Variants in PCDHA6 observed in about 807,000 individuals in gnomAD.
PCDHA6 encodes protocadherin alpha 6.
PCDHA6 carries 55 observed loss-of-function variants against 60.3 expected under a neutral mutation model. That is an observed-to-expected ratio of 0.91 (90% CI 0.73 to 1.14). PCDHA6 has a LOEUF of 1.14. Among genes scored for constraint, PCDHA6 ranks in the 50% most tolerant of loss-of-function variants. The pLI is 0.00. For missense variants in PCDHA6, 1,327 were observed against 1,256.5 expected, an observed-to-expected ratio of 1.06 and a Z score of -0.85; for synonymous variants, 652 against 557.9, an observed-to-expected ratio of 1.17 and a Z score of -2.38.
intron 1 of PCDHA6, among the ~76,000 whole-genome samples, chr5:140,880,233 T>A (rs1040125802): frequency 6.6e-6 from 1 of 152,046 alleles, no homozygotes; most frequent in African/African-American, 2.4e-5. Flanking sequence ...TTTAAATTAG[T>A]GTATGTGCGT....
At chr5:140,956,217 T>A (rs1554222303) in intron 1 of PCDHA6, among the ~76,000 whole-genome samples, 1 of 152,208 alleles carries the variant, frequency 6.6e-6, no homozygotes, top group Non-Finnish European at 1.5e-5. Context: ...GGCATCCTTG[T>A]CTTGTGCTGG....
intron 1 of PCDHA6, among the ~76,000 whole-genome samples, chr5:140,894,646 C>A (rs1481747888): frequency 2.0e-5 from 3 of 151,766 alleles, no homozygotes; most frequent in African/African-American, 7.3e-5. Flanking sequence ...ATTACTGAGT[C>A]TCTCTAATTC....
At chr5:140,976,818 G>A (rs782290955) in intron 1 of PCDHA6, among the ~76,000 whole-genome samples, 5 of 152,208 alleles carry the variant, frequency 3.3e-5, no homozygotes, top group Admixed American at 6.5e-5. Flanking sequence ...ATATGCATGT[G>A]TCTAATGAGC....
intron 1 of PCDHA6, among the ~76,000 whole-genome samples, chr5:140,847,067 A>G (rs1780844287): frequency 1.3e-5 from 2 of 149,984 alleles, no homozygotes; most frequent in Admixed American, 1.3e-4. Context: ...AAGCATCAAT[A>G]TGACAAGTAG....
intron 1 of PCDHA6, chr5:140,867,745 A>G (rs1342140044): frequency 6.6e-6 from 1 of 152,108 alleles, no homozygotes. Flanking sequence ...CAAGCAAGTT[A>G]CAACTTCAGG....
At chr5:140,841,648 C>T in intron 1 of PCDHA6, 1 of 1,614,112 alleles carries the variant, frequency 6.2e-7, no homozygotes, top group East Asian at 2.2e-5. Flanking sequence ...TGGAGGTGAT[C>T]GTGGACAGGC....
chr5:140,832,834 T>C (rs1009712923), intron 1 of PCDHA6, among the ~76,000 whole-genome samples: 2 of 152,174 alleles, frequency 1.3e-5, no homozygotes, highest in African/African-American at 4.8e-5. Flanking sequence ...CTTTTTCCCT[T>C]GTTGAAGGAG....
intron 3 of PCDHA6, among the ~76,000 whole-genome samples, chr5:141,006,429 G>A (rs541690957): frequency 1.3e-5 from 2 of 152,004 alleles, no homozygotes; most frequent in South Asian, 4.2e-4. Context: ...TAGCCAGGAT[G>A]GTCTCAATCT....
chr5:140,846,261 G>T (rs922886728), intron 1 of PCDHA6, among the ~76,000 whole-genome samples: 4 of 148,852 alleles, frequency 2.7e-5, no homozygotes, highest in Admixed American at 6.7e-5. Flanking sequence ...TTTTGATGAT[G>T]ATTTAAAGTC....
chr5:140,974,975 T>A (rs782637911), intron 1 of PCDHA6, among the ~76,000 whole-genome samples: 1 of 152,222 alleles, frequency 6.6e-6, no homozygotes, highest in African/African-American at 2.4e-5. Context: ...GTGGCTGAGT[T>A]GTCCGCTCAG....
intron 1 of PCDHA6, among the ~76,000 whole-genome samples, chr5:140,952,559 G>A (rs1185999097): frequency 6.6e-6 from 1 of 152,108 alleles, no homozygotes; most frequent in Non-Finnish European, 1.5e-5. Flanking sequence ...TTCACTATCA[G>A]CACTTCGGTC....
intron 1 of PCDHA6, chr5:140,878,053 C>T (rs2057454277): frequency 2.2e-6 from 1 of 456,148 alleles, no homozygotes; most frequent in Non-Finnish European, 3.5e-6. Flanking sequence ...TGGAGCACCA[C>T]ACTTAATATT....
intron 1 of PCDHA6, among the ~76,000 whole-genome samples, chr5:140,841,009 C>T (rs1241373948): frequency 6.6e-6 from 1 of 151,948 alleles, no homozygotes; most frequent in African/African-American, 2.4e-5. Flanking sequence ...AGGAGCCAGA[C>T]AGTATGAATG....
intron 1 of PCDHA6, among the ~76,000 whole-genome samples, chr5:140,965,126 A>C (rs540121719): frequency 7.9e-5 from 12 of 152,372 alleles, no homozygotes; most frequent in African/African-American, 2.6e-4. Flanking sequence ...GAAGATCTAC[A>C]GATGACAGAA....
rs2150224520 is a variant in PCDHA6 at position 140,834,696 on chromosome 5, C to T, written c.2394+4211C>T. 3 of 1,614,242 alleles carry T rather than the reference C, an allele frequency of 1.9e-6. No homozygotes were observed. In the South Asian group the frequency reaches 3.3e-5, roughly 18 times the overall value. On this transcript the variant is annotated intron_variant, in intron 1 of 3. Transcript: ENST00000529310. The stretch of plus-strand genomic sequence containing the variant: ...CGGGCGGAGCGCGGAGTGCAGCATC[C>T]ACCTGGAGGTGATCGTGGAAAGGCC...
At chr5:140,846,011 AAAAGTTATTAC>A (rs1554141096) in intron 1 of PCDHA6, among the ~76,000 whole-genome samples, 1 of 149,770 alleles carries the variant, frequency 6.7e-6, no homozygotes, top group Non-Finnish European at 1.5e-5. Flanking sequence ...AAAAAAATCT[AAAAGTTATTAC>A]GAGTTTAGGA....
rs1305231081 is a variant in PCDHA6 at position 141,010,857 on chromosome 5, G to A, written c.*920G>A. The A allele has an allele frequency of 6.5e-6, 1 of 153,732 alleles. No homozygotes were observed. The highest frequency in any genetic ancestry group is 2.4e-5 in the African/African-American group (1 of 41,448). 9.5% of individuals were successfully genotyped at this position (153,732 alleles called of 1,614,324 possible). ...ATAGATTTATTTAAAAAAAGAGAAAGTCTATAGCTATAAATCTTTAAAGAG... is the reference window on the plus strand; with the variant it reads ...ATAGATTTATTTAAAAAAAGAGAAAATCTATAGCTATAAATCTTTAAAGAG... On this transcript the variant is annotated 3_prime_UTR_variant, in exon 4 of 4. Transcript: ENST00000529310.
intron 1 of PCDHA6, among the ~76,000 whole-genome samples, chr5:140,956,442 T>A (rs557521776): frequency 2.6e-5 from 4 of 152,362 alleles, no homozygotes; most frequent in African/African-American, 9.6e-5. Flanking sequence ...GCTTATGTGA[T>A]GAATTACATT....
chr5:140,876,967 G>T lies in PCDHA6; in HGVS notation c.2394+46482G>T, dbSNP rs200960356. On this transcript the variant is annotated intron_variant, in intron 1 of 3. Coordinates refer to ENST00000529310, the MANE Select transcript of PCDHA6 (RefSeq NM_018909.4). ...GTCCTACTCGCTGGTGGAGCGGCGG[G>T]TGGGCGAGCACGCACTGTCGAGCTA... The T allele has an allele frequency of 3.1e-6, 5 of 1,613,050 alleles. No homozygotes were observed. The South Asian group carries it at 3.3e-5, about 11-fold the overall frequency.
Sources: gnomAD v4.1 joint callset for allele counts (sites outside exome capture counted in the v4.1 genomes callset) on GRCh38, gnomAD v4.1.1 for gene constraint, MANE v1.5 for transcripts, NCBI Gene and HGNC (gene_info 2026-07-23, HGNC 2026-07-21) for gene names.